The following CTNNA3 variants were observed in gnomAD, a reference collection of about 807,000 sequenced individuals.
CTNNA3 encodes the protein catenin alpha 3.
Under a neutral mutation model 95.7 loss-of-function variants are expected in CTNNA3, and 76 were observed. The ratio of observed to expected loss-of-function variants is 0.79; its 90% confidence interval spans 0.66 to 0.96. CTNNA3 has a LOEUF of 0.96. CTNNA3 is among the 40% of genes least tolerant of loss of function. CTNNA3 has a pLI of 0.00. For synonymous variants in CTNNA3, 431 were observed against 374.4 expected (o/e 1.15, Z -1.74); for missense variants, 1,191 against 1,089.8 (o/e 1.09, Z -1.31).
Position 67,180,384 on chromosome 10 carries a change from C to T in CTNNA3, c.980G>A (p.Arg327Gln), listed in dbSNP as rs748583513. ...SSCTRDLHRE[R>Q]IIAECNAIRQ... is the part of the protein sequence containing the mutation. ...AATGGCGTTGCATTCTGCGATAATC[C>T]GCTCTCGGTGTAAGTCCCTCGTACA... The change falls in exon 7 of 18, where the codon CGG becomes CAG. Residue 327 changes from arginine (R) to glutamine (Q), a missense_variant. Physicochemically the swap from Arg to Gln is conservative, Grantham distance 43. Transcript: ENST00000433211. 2.5e-5 allele frequency: 41 copies of T among 1,613,764 alleles called. No homozygotes were observed. The highest frequency in any genetic ancestry group is 1.3e-4 in the East Asian group (6 of 44,850).
chr10:66,432,956 T>C (rs4469771), intron 11 of CTNNA3, among the ~76,000 whole-genome samples: 58,025 of 151,922 alleles, frequency 0.38, 11,635 homozygotes, highest in African/African-American at 0.5. Context: ...GCTTCATCCA[T>C]GTCCCTGCAA....
intron 15 of CTNNA3, among the ~76,000 whole-genome samples, chr10:66,036,349 G>A (rs981152838): frequency 7.9e-5 from 12 of 151,956 alleles, no homozygotes; most frequent in African/African-American, 2.9e-4. Context: ...ATGTTTAAAA[G>A]GACCACCAGG....
intron 13 of CTNNA3, among the ~76,000 whole-genome samples, chr10:66,192,549 AT>A (rs1421620637): frequency 6.6e-6 from 1 of 152,082 alleles, no homozygotes; most frequent in African/African-American, 2.4e-5. Flanking sequence ...ATTAAAAATT[AT>A]TTTTCCTGTA....
chr10:66,872,538 G>A (rs868610573), intron 7 of CTNNA3, among the ~76,000 whole-genome samples: 33 of 152,002 alleles, frequency 2.2e-4, no homozygotes, highest in Admixed American at 6.6e-4. Flanking sequence ...GCATGGTGGC[G>A]GGTGCCTGTA....
chr10:66,280,079 G>A (rs1398966563), intron 13 of CTNNA3, among the ~76,000 whole-genome samples: 1 of 151,802 alleles, frequency 6.6e-6, no homozygotes, highest in Non-Finnish European at 1.5e-5. Flanking sequence ...AAAATACCAC[G>A]TTTTCCTATC....
At chr10:66,393,599 G>T (rs2092950893) in intron 11 of CTNNA3, among the ~76,000 whole-genome samples, 1 of 152,050 alleles carries the variant, frequency 6.6e-6, no homozygotes, top group Non-Finnish European at 1.5e-5. Flanking sequence ...CTAAGAAAAA[G>T]TTTGGTCCTA....
At chr10:66,502,424 C>G (rs758371119) in intron 11 of CTNNA3, among the ~76,000 whole-genome samples, 3 of 152,086 alleles carry the variant, frequency 2.0e-5, no homozygotes, top group Non-Finnish European at 4.4e-5. Flanking sequence ...AATAATCTAT[C>G]TACCTCAATA....
chr10:66,437,565 C>T (rs1266500138), intron 11 of CTNNA3, among the ~76,000 whole-genome samples: 2 of 151,988 alleles, frequency 1.3e-5, no homozygotes, highest in Non-Finnish European at 2.9e-5. Context: ...CTCTAAACTG[C>T]TTATTCCAGT....
At chr10:67,566,406 A>C (rs1277665020) in intron 3 of CTNNA3, among the ~76,000 whole-genome samples, 2 of 151,910 alleles carry the variant, frequency 1.3e-5, no homozygotes, top group Non-Finnish European at 2.9e-5. Context: ...ATGCAGCCAA[A>C]AACACATGAA....
chr10:66,520,428 T>G (rs567553067), intron 11 of CTNNA3, among the ~76,000 whole-genome samples, 189 bp downstream of exon 11: 6 of 151,696 alleles, frequency 4.0e-5, no homozygotes, highest in Non-Finnish European at 5.9e-5. Context: ...ATTTTTGTAT[T>G]TTTAGTAGAG....
At chr10:66,779,617 C>G (rs932699386) in intron 7 of CTNNA3, among the ~76,000 whole-genome samples, 1 of 152,154 alleles carries the variant, frequency 6.6e-6, no homozygotes, top group African/African-American at 2.4e-5. Flanking sequence ...CCTGCCTTGG[C>G]CTCCCAGTGC....
At position 66,073,536 on chromosome 10, in the gene CTNNA3, G is replaced by A. The variant is rs560697284; in HGVS notation, c.1978-4047C>T. On this transcript the variant is annotated intron_variant, in intron 14 of 17. Coordinates refer to ENST00000433211, the MANE Select transcript of CTNNA3 (RefSeq NM_013266.4). The stretch of plus-strand genomic sequence containing the variant: ...AACCATTTATCCTCTTGATTTTCAT[G>A]TTTCTCAGTGATACTTCCTGCCTTC... 3.3e-5 allele frequency among the ~76,000 whole-genome samples: 5 copies of A among 152,180 alleles called. No individual in the cohort carries two copies. The South Asian group carries it at 1.0e-3, about 32-fold the overall frequency.
chr10:67,071,135 T>A (rs1856426062), intron 7 of CTNNA3, among the ~76,000 whole-genome samples: 1 of 152,210 alleles, frequency 6.6e-6, no homozygotes, highest in African/African-American at 2.4e-5. Flanking sequence ...AAAGCATCAC[T>A]CTTATTGTTC....
intron 13 of CTNNA3, among the ~76,000 whole-genome samples, chr10:66,220,251 G>C (rs17246810): frequency 0.11 from 17,213 of 152,212 alleles, 997 homozygotes; most frequent in East Asian, 0.14. Context: ...TAGATGCTCA[G>C]AATTATTGTT....
intron 5 of CTNNA3, among the ~76,000 whole-genome samples, chr10:67,473,355 G>A (rs988846802): frequency 7.2e-5 from 11 of 151,980 alleles, no homozygotes; most frequent in African/African-American, 1.7e-4. Flanking sequence ...ATATGCTCAC[G>A]CTATATGTCT....
At chr10:66,190,907 C>G (rs1162343114) in intron 13 of CTNNA3, among the ~76,000 whole-genome samples, 1 of 152,100 alleles carries the variant, frequency 6.6e-6, no homozygotes, top group Non-Finnish European at 1.5e-5. Flanking sequence ...TAGCAATGAC[C>G]CCCTAGCGGA....
intron 5 of CTNNA3, among the ~76,000 whole-genome samples, chr10:67,431,014 C>T (rs1352910618): frequency 2.0e-5 from 3 of 151,848 alleles, no homozygotes; most frequent in South Asian, 4.1e-4. Context: ...TCAGATAGCT[C>T]CTTAAGTTAA....
chr10:66,056,721 G>A (rs1228151735), intron 15 of CTNNA3, among the ~76,000 whole-genome samples: 1 of 152,080 alleles, frequency 6.6e-6, no homozygotes, highest in Non-Finnish European at 1.5e-5. Flanking sequence ...TGTCTATTCA[G>A]GTTTTGGATT....
intron 17 of CTNNA3, among the ~76,000 whole-genome samples, chr10:65,944,801 A>G (rs2077484013): frequency 2.0e-5 from 3 of 152,188 alleles, no homozygotes; most frequent in Admixed American, 2.0e-4. Context: ...CTTAAAACAC[A>G]AAAGAGACCA....
Sources: gnomAD v4.1 joint callset for allele counts (sites outside exome capture counted in the v4.1 genomes callset) on GRCh38, gnomAD v4.1.1 for gene constraint, MANE v1.5 for transcripts, NCBI Gene and HGNC (gene_info 2026-07-23, HGNC 2026-07-21) for gene names.